The following TRIM24 variants were observed in gnomAD, a reference collection of about 807,000 sequenced individuals.
TRIM24 encodes transcription intermediary factor 1-alpha.
A neutral mutation model predicts 123.9 loss-of-function variants in TRIM24; 29 were observed. That is an observed-to-expected ratio of 0.23 (90% CI 0.17 to 0.32). TRIM24 has a LOEUF of 0.32. TRIM24 is among the 10% of genes least tolerant of loss of function. TRIM24 has a pLI of 1.00. For synonymous variants in TRIM24, 456 were observed against 461.1 expected, an observed-to-expected ratio of 0.99 and a Z score of 0.14; for missense variants, 932 against 1,295.3, an observed-to-expected ratio of 0.72 and a Z score of 4.31.
intron 17 of TRIM24, among the ~76,000 whole-genome samples, chr7:138,582,174 G>A (rs113695823): frequency 0.023 from 3,474 of 152,234 alleles, 134 homozygotes; most frequent in African/African-American, 0.079. Context: ...ATAAGTAGAC[G>A]TTACCAATAC....
chr7:138,470,123 ATTTTTTTT>A (rs10542175), intron 1 of TRIM24, among the ~76,000 whole-genome samples: 44 of 81,428 alleles, frequency 5.4e-4, no homozygotes, highest in African/African-American at 1.6e-3. Flanking sequence ...TACAAGTATA[ATTTTTTTT>A]TTTTTTTTTT....
At chr7:138,551,285 C>T (rs1224637843) in intron 8 of TRIM24, 105 bp downstream of exon 8, 4 of 982,640 alleles carry the variant, frequency 4.1e-6, no homozygotes, top group African/African-American at 1.6e-5. Context: ...GGCACGGTGG[C>T]TCACATCTGT....
chr7:138,492,273 CA>C (rs34380067), intron 1 of TRIM24, among the ~76,000 whole-genome samples: 390 of 59,972 alleles, frequency 6.5e-3, no homozygotes, highest in East Asian at 0.021. Context: ...ACTCTGTCTC[CA>C]AAAAAAAAAA....
intron 1 of TRIM24, among the ~76,000 whole-genome samples, chr7:138,469,437 T>TTTTATCCCA (rs1795223253): frequency 6.6e-6 from 1 of 151,824 alleles, no homozygotes; most frequent in Non-Finnish European, 1.5e-5. Context: ...GCCTCCCAAG[T>TTTTATCCCA]AGCTGAGATT....
chr7:138,470,902 C>A (rs1795258964), intron 1 of TRIM24, among the ~76,000 whole-genome samples: 1 of 152,154 alleles, frequency 6.6e-6, no homozygotes, highest in African/African-American at 2.4e-5. Flanking sequence ...TAATTTTTCA[C>A]CAGCTTTAAA....
intron 11 of TRIM24, 97 bp from the exon 12 acceptor site, chr7:138,573,407 CGAT>C (rs1797695374): frequency 5.4e-6 from 6 of 1,111,186 alleles, no homozygotes; most frequent in Non-Finnish European, 6.0e-6. Context: ...TTTTGTTATT[CGAT>C]AATAATTATT....
At chr7:138,520,563 G>A (rs1412611291) in intron 4 of TRIM24, among the ~76,000 whole-genome samples, 1 of 152,172 alleles carries the variant, frequency 6.6e-6, no homozygotes, top group Non-Finnish European at 1.5e-5. Flanking sequence ...AGTGGTGTGT[G>A]CTTGTATTCC....
At chr7:138,515,386 T>C (rs771980558) in intron 3 of TRIM24, 27 bp downstream of exon 3, 3 of 1,606,696 alleles carry the variant, frequency 1.9e-6, no homozygotes, top group Non-Finnish European at 2.6e-6. Flanking sequence ...TTGCATTTTT[T>C]TCCTTCTATC....
chr7:138,506,858 G>C (rs1796161301), intron 2 of TRIM24, among the ~76,000 whole-genome samples: 1 of 152,134 alleles, frequency 6.6e-6, no homozygotes, highest in East Asian at 1.9e-4. Context: ...TCATATGGGG[G>C]ATGAATTTGA....
Position 138,586,705 on chromosome 7 carries a change from T to TGCTC in TRIM24, c.*1755_*1758dup, listed in dbSNP as rs1251585224. 1 of 152,262 alleles carries TGCTC rather than the reference T, an allele frequency of 6.6e-6. No individual in the cohort carries two copies. Among genetic ancestry groups the TGCTC allele is most frequent in the African/African-American group, 2.4e-5 (1 of 41,472 alleles). 9.4% of individuals were successfully genotyped at this position (152,262 alleles called of 1,614,324 possible). ...AGTGCATACACCTTTTGTCTTTTTT[T>TGCTC]GCTCCAGCATTTTATTTTTAGCACA... On this transcript the variant is annotated 3_prime_UTR_variant, in exon 19 of 19. Transcript: ENST00000343526.
intron 1 of TRIM24, among the ~76,000 whole-genome samples, chr7:138,463,989 C>CATTTTTTTTTTTTTTTTTTTTTTTTT (rs1554429651): frequency 2.0e-5 from 1 of 50,764 alleles, no homozygotes; most frequent in African/African-American, 8.2e-5. Flanking sequence ...AAAATTTAGA[C>CATTTTTTTTTTTTTTTTTTTTTTTTT]TTTTTTTTTT....
At chr7:138,557,629 G>T (rs1001290861) in intron 9 of TRIM24, among the ~76,000 whole-genome samples, 2 of 152,078 alleles carry the variant, frequency 1.3e-5, no homozygotes, top group Non-Finnish European at 2.9e-5. Flanking sequence ...GCTAATTTTT[G>T]GATTTTTGCA....
At chr7:138,572,205 C>CG (rs1283556063) in intron 11 of TRIM24, among the ~76,000 whole-genome samples, 1 of 152,202 alleles carries the variant, frequency 6.6e-6, no homozygotes, top group East Asian at 1.9e-4. Context: ...GAGTAGAATA[C>CG]ATATATTTTC....
intron 10 of TRIM24, among the ~76,000 whole-genome samples, chr7:138,569,117 G>A (rs1045868239): frequency 2.0e-5 from 3 of 152,130 alleles, no homozygotes; most frequent in East Asian, 1.9e-4. Flanking sequence ...TGGCACTTAC[G>A]TAGTCTTTTC....
intron 1 of TRIM24, among the ~76,000 whole-genome samples, chr7:138,482,938 G>A (rs748224875): frequency 1.7e-4 from 25 of 150,800 alleles, no homozygotes; most frequent in Non-Finnish European, 3.4e-4. Flanking sequence ...GTTTTTTTGA[G>A]CCACAGTCTC....
At chr7:138,521,069 A>G (rs971390915) in intron 4 of TRIM24, among the ~76,000 whole-genome samples, 1 of 152,246 alleles carries the variant, frequency 6.6e-6, no homozygotes, top group Non-Finnish European at 1.5e-5. Context: ...GTAACTTTCA[A>G]ATCTAAAATT....
At chr7:138,523,716 A>C (rs1234530681) in intron 4 of TRIM24, among the ~76,000 whole-genome samples, 1 of 137,656 alleles carries the variant, frequency 7.3e-6, no homozygotes, top group Non-Finnish European at 1.5e-5. Flanking sequence ...GGGCCACTGC[A>C]CTCCAGCCTG....
rs532227899 is a variant in TRIM24, at chr7:138,505,837, A to G, written c.483+1429A>G. ...CTTCTTAAATCTAGATGTCAAATCT[A>G]TCATGCATAATCTATAGTACTCCAG... is the stretch of plus-strand genomic sequence containing the variant. On this transcript the variant is annotated intron_variant, in intron 2 of 18. Coordinates refer to ENST00000343526, the MANE Select transcript of TRIM24 (RefSeq NM_015905.3). Among the ~76,000 whole-genome samples the G allele has an allele frequency of 9.3e-4, 142 of 152,328 alleles. 1 individual carries two copies. The highest frequency in any genetic ancestry group is 3.3e-3 in the African/African-American group (136 of 41,576).
Position 138,508,700 on chromosome 7 carries a change from C to CGCGCGCGCGCGT in TRIM24, c.483+4293_483+4294insCGCGCGCGCGTG, listed in dbSNP as rs1182276337. ...GTGTGTGTGTGTGTGTGTGCGCGCGCGTGTGTGCGTGTGTGTGTGCGTGTG... is the reference window on the plus strand; with the variant it reads ...GTGTGTGTGTGTGTGTGTGCGCGCGCGCGCGCGCGCGTGTGTGTGCGTGTGTGTGTGCGTGTG... On this transcript the variant is annotated intron_variant, in intron 2 of 18. Coordinates refer to ENST00000343526, the MANE Select transcript of TRIM24 (RefSeq NM_015905.3). 3.7e-3 allele frequency among the ~76,000 whole-genome samples: 132 copies of CGCGCGCGCGCGT among 35,544 alleles called. 2 individuals carry two copies. The highest frequency in any genetic ancestry group is 8.6e-3 in the African/African-American group (119 of 13,816). 23.3% of individuals were successfully genotyped at this position (35,544 alleles called of 152,430 possible). A position where few individuals can be genotyped will look rare whatever the true frequency, so the allele number is the denominator to read the frequency against.
Sources: gnomAD v4.1 joint callset for allele counts (sites outside exome capture counted in the v4.1 genomes callset) on GRCh38, gnomAD v4.1.1 for gene constraint, MANE v1.5 for transcripts, NCBI Gene and HGNC (gene_info 2026-07-23, HGNC 2026-07-21) for gene names.